SLC36A1: variants seen among roughly 807,000 people sequenced by gnomAD.
The protein encoded by SLC36A1 is solute carrier family 36 member 1, also known as proton-coupled amino acid transporter 1.
A neutral mutation model predicts 47.5 loss-of-function variants in SLC36A1; 30 were observed. The ratio of observed to expected loss-of-function variants is 0.63; its 90% CI spans 0.47 to 0.86. SLC36A1 has a LOEUF of 0.86. Ranked by LOEUF, SLC36A1 falls within the 40% of genes least tolerant of loss-of-function variation. The pLI, the probability that SLC36A1 is intolerant of heterozygous loss-of-function variation, is 0.00. For synonymous variants in SLC36A1, 255 were observed against 249.7 expected (o/e 1.02, Z -0.20); for missense variants, 517 against 606.0 (o/e 0.85, Z 1.54).
the SLC36A1 span, among the ~76,000 whole-genome samples, chr5:151,421,688 T>C: frequency 6.6e-6 from 1 of 151,936 alleles, no homozygotes; most frequent in Non-Finnish European, 1.5e-5. Flanking sequence ...CCTCCTGGGT[T>C]CAAGGGATTC....
chr5:151,501,499 T>A, the SLC36A1 span, among the ~76,000 whole-genome samples: 1 of 146,008 alleles, frequency 6.8e-6, no homozygotes, highest in Non-Finnish European at 1.5e-5. Context: ...CCAGGCTGGT[T>A]TTGAACTCCT....
the SLC36A1 span, chr5:151,521,756 C>T: frequency 5.6e-6 from 9 of 1,614,104 alleles, no homozygotes; most frequent in Non-Finnish European, 7.6e-6. Context: ...TGGACCCCAG[C>T]AGTCGTGGTG....
At position 151,467,857 on chromosome 5, in the gene SLC36A1, A is replaced by G. The variant is rs753950310; in HGVS notation, c.655A>G (p.Ile219Val). 9.3e-6 allele frequency: 15 copies of G among 1,613,698 alleles called. No individual in the cohort carries two copies. In the African/African-American group the frequency reaches 1.5e-4, roughly 16 times the overall value. The change falls in exon 7 of 11, where the codon ATC becomes GTC. Residue 219 changes from isoleucine to valine, a missense_variant. Transcript: ENST00000243389. ...CATCAGGAACCTCCGAGCCCTGTCC[A>G]TCTTCTCCCTGTTGGCCAACATCAC... ...VFIRNLRALSIFSLLANITML... is the reference protein window; with the variant it reads ...VFIRNLRALSVFSLLANITML...
upstream of SLC36A1, among the ~76,000 whole-genome samples, chr5:151,447,137 T>G (rs1581037551): frequency 6.6e-6 from 1 of 152,230 alleles, no homozygotes; most frequent in East Asian, 1.9e-4. Context: ...AATGTTGCCA[T>G]CCATTTAAAA....
At chr5:151,443,906 C>T (rs542379400), upstream of SLC36A1, among the ~76,000 whole-genome samples, 2 of 152,106 alleles carry the variant, frequency 1.3e-5, no homozygotes, top group African/African-American at 2.4e-5. Context: ...TTCTCAGCAC[C>T]GTTTATTGAG....
intron 1 of SLC36A1, among the ~76,000 whole-genome samples, chr5:151,454,101 TTTTTTTG>T (rs1581075042): frequency 6.7e-6 from 1 of 149,254 alleles, no homozygotes. Context: ...TTTTTTTTTT[TTTTTTTG>T]GCCATCAAAC....
the SLC36A1 span, chr5:151,554,488 C>T: frequency 3.7e-6 from 6 of 1,614,234 alleles, no homozygotes; most frequent in South Asian, 2.2e-5. Context: ...CATTAAGACC[C>T]TCATCCAGGT....
At chr5:151,537,439 AGAGGG>A in the SLC36A1 span, among the ~76,000 whole-genome samples, 90,334 of 146,902 alleles carry the variant, frequency 0.61, 28,309 homozygotes, top group African/African-American at 0.77. Context: ...AGAGGAAAGG[AGAGGG>A]GAGGGGAGGG....
At chr5:151,412,024 G>T in the SLC36A1 span, among the ~76,000 whole-genome samples, 8 of 145,000 alleles carry the variant, frequency 5.5e-5, 2 homozygotes, top group East Asian at 1.9e-3. Context: ...GTCTATGAAT[G>T]CTTAAAACTT....
chr5:151,445,893 G>C (rs557863086), upstream of SLC36A1, among the ~76,000 whole-genome samples: 9 of 151,260 alleles, frequency 6.0e-5, no homozygotes, highest in African/African-American at 2.2e-4. Flanking sequence ...CTAGCAAAGG[G>C]TACGTCAATT....
At chr5:151,470,429 T>A (rs1725333215) in intron 7 of SLC36A1, among the ~76,000 whole-genome samples, 1 of 152,224 alleles carries the variant, frequency 6.6e-6, no homozygotes, top group Non-Finnish European at 1.5e-5. Flanking sequence ...CTATGCATAG[T>A]ACAACCAGGA....
the SLC36A1 span, among the ~76,000 whole-genome samples, chr5:151,350,656 C>T: frequency 6.6e-6 from 1 of 152,016 alleles, no homozygotes; most frequent in Non-Finnish European, 1.5e-5. Flanking sequence ...AATATTTCAA[C>T]CCCCTAAAGC....
At chr5:151,451,375 A>G (rs1263419097) in intron 1 of SLC36A1, among the ~76,000 whole-genome samples, 4 of 152,126 alleles carry the variant, frequency 2.6e-5, no homozygotes, top group Non-Finnish European at 4.4e-5. Context: ...CTTAATGACC[A>G]TCTCTAGTAG....
Position 151,488,496 on chromosome 5 carries a change from ACC to A in SLC36A1, c.*244_*245del. The A allele has an allele frequency of 1.9e-6, 1 of 533,120 alleles. No individual in the cohort carries two copies. Among genetic ancestry groups the A allele is most frequent in the Non-Finnish European group, 3.3e-6 (1 of 300,696 alleles). The allele number at this position is 533,120 out of a possible 1,614,324, so 33.0% of individuals were successfully genotyped here. A position where few individuals can be genotyped will look rare whatever the true frequency, so the allele number is the denominator to read the frequency against. ...CCATCGCTCACCTGTACCTATTTAC[ACC>A]CAGAACTTTCCAGCTCCCCCTCATC... On this transcript the variant is annotated 3_prime_UTR_variant, in exon 11 of 11. Transcript: ENST00000243389.
chr5:151,423,713 C>T, the SLC36A1 span, among the ~76,000 whole-genome samples: 905 of 152,292 alleles, frequency 5.9e-3, 13 homozygotes, highest in African/African-American at 0.021. Context: ...ATGGTGGACA[C>T]ATGCCATTGT....
At chr5:151,472,381 G>A (rs1013614617) in intron 7 of SLC36A1, among the ~76,000 whole-genome samples, 1 of 152,230 alleles carries the variant, frequency 6.6e-6, no homozygotes, top group African/African-American at 2.4e-5. Context: ...CCAGATTAAG[G>A]GTGGGTCTGC....
At position 151,467,904 on chromosome 5, in the gene SLC36A1, G is replaced by A. The variant is rs1257489546; in HGVS notation, c.702G>A (p.Met234Ile). ...TCACCATGCTGGTCAGCTTGGTCAT[G>A]ATCTACCAGTTCATTGTTCAGGTAC... The part of the protein sequence containing the change: ...ANITMLVSLV[M>I]IYQFIVQRIP... Residue 234 changes from methionine (M) to isoleucine (I), a missense_variant, in exon 7 of 11, where the codon ATG becomes ATA. Coordinates refer to ENST00000243389, the MANE Select transcript of SLC36A1 (RefSeq NM_078483.4). 6.2e-7 allele frequency: 1 copy of A among 1,613,656 alleles called. No homozygotes were observed. Among genetic ancestry groups the A allele is most frequent in the African/African-American group, 1.3e-5 (1 of 74,870 alleles).
At chr5:151,544,197 C>G in the SLC36A1 span, 1 of 1,614,218 alleles carries the variant, frequency 6.2e-7, no homozygotes, top group Non-Finnish European at 8.5e-7. Context: ...CCTCCACAAT[C>G]TGATAAGAGA....
chr5:151,468,265 AAAT>A (rs1442447916), intron 7 of SLC36A1, among the ~76,000 whole-genome samples: 13 of 79,198 alleles, frequency 1.6e-4, no homozygotes, highest in African/African-American at 7.6e-4. Flanking sequence ...AAAAAAAAAA[AAAT>A]ATATATATAT....
Sources: gnomAD v4.1 joint callset for allele counts (sites outside exome capture counted in the v4.1 genomes callset) on GRCh38, gnomAD v4.1.1 for gene constraint, MANE v1.5 for transcripts, NCBI Gene and HGNC (gene_info 2026-07-23, HGNC 2026-07-21) for gene names.